Variants in TADA2A observed in about 807,000 individuals in gnomAD.
The protein encoded by TADA2A is transcriptional adaptor 2A, also known as transcriptional adapter 2-alpha.
TADA2A carries 38 observed loss-of-function variants against 67.4 expected under a neutral mutation model. The ratio of observed to expected loss-of-function variants is 0.56; its 90% confidence interval spans 0.44 to 0.74. TADA2A has a LOEUF of 0.74. Among genes scored for constraint, TADA2A ranks in the 30% least tolerant of loss-of-function variants. The pLI is 0.00. For missense variants in TADA2A, 454 were observed against 547.0 expected (o/e 0.83, Z 1.70); for synonymous variants, 192 against 181.6 (o/e 1.06, Z -0.46).
chr17:37,428,314 C>G (rs1276669415), intron 4 of TADA2A, among the ~76,000 whole-genome samples: 1 of 152,114 alleles, frequency 6.6e-6, no homozygotes, highest in Non-Finnish European at 1.5e-5. Context: ...ACCTGGAGGC[C>G]CTGGGGTAGA....
intron 4 of TADA2A, 99 bp from the exon 5 acceptor site, chr17:37,437,639 C>T (rs1463131305): frequency 6.8e-6 from 7 of 1,024,956 alleles, no homozygotes; most frequent in South Asian, 2.8e-5. Flanking sequence ...CGCCCGCCTC[C>T]GCCTTCCAAA....
chr17:37,429,849 TTG>T (rs1318838534), intron 4 of TADA2A, among the ~76,000 whole-genome samples: 1 of 152,162 alleles, frequency 6.6e-6, no homozygotes, highest in Admixed American at 6.6e-5. Flanking sequence ...GCTTCAGTAA[TTG>T]TAAGACTTGG....
intron 14 of TADA2A, 62 bp from the exon 15 acceptor site, chr17:37,474,494 C>T: frequency 6.5e-7 from 1 of 1,545,934 alleles, no homozygotes; most frequent in Non-Finnish European, 8.9e-7. Flanking sequence ...CTTTTTAATA[C>T]TTTACACCTG....
rs9913606 is a variant in TADA2A, at chr17:37,452,654, C to A, written c.605-5870C>A. ...ACCAGCATAACATTCTAAAGCCCAT[C>A]ATTCCACAGCAACTGTGTTATAAAA... On this transcript the variant is annotated intron_variant, in intron 8 of 15. Coordinates refer to ENST00000615182, the MANE Select transcript of TADA2A (RefSeq NM_001166105.3). Among the ~76,000 whole-genome samples, 504 of 152,224 alleles carry A rather than the reference C, an allele frequency of 3.3e-3. 3 individuals are homozygous for A. The highest frequency in any genetic ancestry group is 0.011 in the African/African-American group (472 of 41,534).
chr17:37,421,948 G>A (rs1266717291), intron 2 of TADA2A, among the ~76,000 whole-genome samples: 3 of 145,464 alleles, frequency 2.1e-5, no homozygotes, highest in Non-Finnish European at 3.1e-5. Context: ...GCGTGATCTC[G>A]GATCACTGCA....
intron 8 of TADA2A, among the ~76,000 whole-genome samples, chr17:37,446,096 TG>T (rs5820217): frequency 0.27 from 32,132 of 119,074 alleles, 3,680 homozygotes; most frequent in Middle Eastern, 0.39. Context: ...GGTTTTTTTT[TG>T]GGGGGGTTTT....
intron 4 of TADA2A, among the ~76,000 whole-genome samples, chr17:37,432,509 A>G (rs1568147221): frequency 2.0e-5 from 3 of 152,148 alleles, no homozygotes; most frequent in Non-Finnish European, 4.4e-5. Flanking sequence ...TGTGTATGTT[A>G]CTGGTACATT....
intron 8 of TADA2A, among the ~76,000 whole-genome samples, chr17:37,447,321 A>G (rs542118543): frequency 3.3e-5 from 5 of 152,224 alleles, no homozygotes; most frequent in Admixed American, 3.3e-4. Context: ...TGCCCAGCTA[A>G]TTTTTATATT....
At chr17:37,464,668 C>A (rs1002317776) in intron 10 of TADA2A, among the ~76,000 whole-genome samples, 1 of 151,006 alleles carries the variant, frequency 6.6e-6, no homozygotes, top group Non-Finnish European at 1.5e-5. Flanking sequence ...GGTGAAACCT[C>A]GTCTCTACTA....
At chr17:37,469,851 A>G (rs2053747546) in intron 12 of TADA2A, among the ~76,000 whole-genome samples, 1 of 152,156 alleles carries the variant, frequency 6.6e-6, no homozygotes, top group Non-Finnish European at 1.5e-5. Context: ...CATGTAGAAA[A>G]CACCACGCAG....
At chr17:37,469,708 G>A (rs369663135) in intron 12 of TADA2A, among the ~76,000 whole-genome samples, 2 of 151,962 alleles carry the variant, frequency 1.3e-5, no homozygotes, top group Admixed American at 1.3e-4. Flanking sequence ...AGGACCCGCC[G>A]GTATCTGGCA....
At chr17:37,430,763 T>G (rs1597872614) in intron 4 of TADA2A, among the ~76,000 whole-genome samples, 2 of 152,344 alleles carry the variant, frequency 1.3e-5, no homozygotes, top group East Asian at 3.8e-4. Context: ...GTGTCTGTGA[T>G]GTAGAAAGTT....
intron 4 of TADA2A, among the ~76,000 whole-genome samples, chr17:37,427,862 G>A (rs927588563): frequency 6.6e-6 from 1 of 151,968 alleles, no homozygotes; most frequent in African/African-American, 2.4e-5. Flanking sequence ...TGCACCTGTA[G>A]TCTCAGCTAC....
intron 2 of TADA2A, 151 bp from the exon 3 acceptor site, chr17:37,423,358 C>CTTTT (rs899374176): frequency 1.7e-6 from 1 of 573,370 alleles, no homozygotes; most frequent in Non-Finnish European, 3.0e-6. Flanking sequence ...ATAATTTTTG[C>CTTTT]TTTTTTTTAT....
At chr17:37,443,240 C>T (rs2052974305) in intron 7 of TADA2A, among the ~76,000 whole-genome samples, 1 of 151,760 alleles carries the variant, frequency 6.6e-6, no homozygotes, top group Admixed American at 6.6e-5. Context: ...GTATGAAATT[C>T]CTATAGTCTG....
chr17:37,464,269 A>G (rs1157217777), intron 10 of TADA2A, among the ~76,000 whole-genome samples: 2 of 152,206 alleles, frequency 1.3e-5, no homozygotes, highest in African/African-American at 4.8e-5. Flanking sequence ...AAGTTGTAGT[A>G]GTTAATTTAG....
chr17:37,466,549 A>G (rs1000085442), intron 11 of TADA2A, among the ~76,000 whole-genome samples: 1 of 152,182 alleles, frequency 6.6e-6, no homozygotes, highest in Non-Finnish European at 1.5e-5. Context: ...AAGGTAGTCT[A>G]CTAAGGCCCT....
At chr17:37,431,578 CTTT>C (rs59591200) in intron 4 of TADA2A, among the ~76,000 whole-genome samples, 4 of 138,540 alleles carry the variant, frequency 2.9e-5, no homozygotes, top group Non-Finnish European at 3.1e-5. Flanking sequence ...TTTATCTTTT[CTTT>C]TTTTTTTTTT....
intron 8 of TADA2A, among the ~76,000 whole-genome samples, chr17:37,446,523 GGAGGCCGAGGCTGGCTGATCACTT>G (rs2053086057): frequency 6.6e-6 from 1 of 151,666 alleles, no homozygotes; most frequent in South Asian, 2.1e-4. Flanking sequence ...TAGCACTTTG[GGAGGCCGAGGCTGGCTGATCACTT>G]GAGGCCGAGA....
Sources: gnomAD v4.1 joint callset for allele counts (sites outside exome capture counted in the v4.1 genomes callset) on GRCh38, gnomAD v4.1.1 for gene constraint, MANE v1.5 for transcripts, NCBI Gene and HGNC (gene_info 2026-07-23, HGNC 2026-07-21) for gene names.